Variants in MARK1 observed in about 807,000 individuals in gnomAD.
The protein encoded by MARK1 is microtubule affinity regulating kinase 1.
MARK1 carries 40 observed loss-of-function variants against 96.3 expected under a neutral mutation model. The ratio of observed to expected loss-of-function variants is 0.42; its 90% confidence interval spans 0.32 to 0.54. The LOEUF (loss-of-function observed/expected upper bound fraction) is 0.54. MARK1 is among the 20% of genes least tolerant of loss of function. The pLI, the probability that MARK1 is intolerant of heterozygous loss-of-function variation, is 0.16. For synonymous variants in MARK1, 317 were observed against 341.2 expected (o/e 0.93, Z 0.78); for missense variants, 719 against 984.6 (o/e 0.73, Z 3.61).
At chr1:220,556,485 C>CAGAAAAAA (rs1326514729) in intron 1 of MARK1, among the ~76,000 whole-genome samples, 2 of 85,820 alleles carry the variant, frequency 2.3e-5, no homozygotes, top group African/African-American at 9.2e-5. Context: ...GGGACTGTCA[C>CAGAAAAAA]AAAAAAAAAA....
At chr1:220,574,528 A>G (rs1034205911) in intron 1 of MARK1, among the ~76,000 whole-genome samples, 1 of 152,118 alleles carries the variant, frequency 6.6e-6, no homozygotes, top group African/African-American at 2.4e-5. Context: ...TTTAAGTCAC[A>G]TGGAGTGAGG....
At chr1:220,538,548 A>C (rs1000441376) in intron 1 of MARK1, among the ~76,000 whole-genome samples, 2 of 152,120 alleles carry the variant, frequency 1.3e-5, no homozygotes, top group African/African-American at 4.8e-5. Flanking sequence ...TGACTTGGCG[A>C]TGTGGGCTCT....
At chr1:220,626,741 G>A (rs1667363907) in intron 9 of MARK1, 1 of 335,110 alleles carries the variant, frequency 3.0e-6, no homozygotes, top group Non-Finnish European at 5.8e-6. Context: ...AGAATCGCTT[G>A]CACCCTAGAG....
rs1669491574 is a variant in MARK1 at position 220,661,702 on chromosome 1, G to T, written c.2034-110G>T. Reference sequence around the variant, plus strand: ...CATCTGAGGGTGGTCTGCAAATTAGGTAGTGTTATTAGGCACTGAACTATG... The same window carrying T: ...CATCTGAGGGTGGTCTGCAAATTAGTTAGTGTTATTAGGCACTGAACTATG... On this transcript the variant is annotated intron_variant, in intron 17 of 17. Transcript: ENST00000366917. 4.0e-6 allele frequency: 3 copies of T among 741,650 alleles called. No homozygotes were observed. The Admixed American group carries it at 8.8e-5, about 22-fold the overall frequency. 45.9% of individuals were successfully genotyped at this position (741,650 alleles called of 1,614,324 possible).
chr1:220,618,292 C>T lies in MARK1; in HGVS notation c.553-18C>T. The T allele has an allele frequency of 6.9e-7, 1 of 1,442,492 alleles. No individual in the cohort carries two copies. 89.4% of individuals were successfully genotyped at this position (1,442,492 alleles called of 1,614,324 possible). A position where few individuals can be genotyped will look rare whatever the true frequency, so the allele number is the denominator to read the frequency against. ...ATGTAGGCTTTTTACATTGTTCTTT[C>T]TATTATTTTCCTCTTAGGCTGAAAA... On this transcript the variant is annotated intron_variant, in intron 7 of 17. Transcript: ENST00000366917. The surrounding 1 kb of genome is among the most constrained non-coding windows in gnomAD (Gnocchi z 4.6).
At chr1:220,628,294 A>G (rs1156613335) in intron 9 of MARK1, among the ~76,000 whole-genome samples, 3 of 152,092 alleles carry the variant, frequency 2.0e-5, no homozygotes, top group South Asian at 2.1e-4. Flanking sequence ...CAACCTGGCA[A>G]TCCCCTTTCA....
chr1:220,609,519 CTG>C (rs1337569779), intron 6 of MARK1, among the ~76,000 whole-genome samples: 20 of 152,318 alleles, frequency 1.3e-4, no homozygotes, highest in Non-Finnish European at 2.9e-4. Flanking sequence ...ATTTGCCACT[CTG>C]TGTCTTTTAA....
In MARK1 at chr1:220,534,378, C is replaced by T. The variant is rs73101869; in HGVS notation, c.51+5505C>T. 3.4e-3 allele frequency among the ~76,000 whole-genome samples: 515 copies of T among 152,146 alleles called. 4 individuals are homozygous for T. Among genetic ancestry groups the T allele is most frequent in the African/African-American group, 0.011 (470 of 41,538 alleles). On this transcript the variant is annotated intron_variant, in intron 1 of 17. Coordinates refer to ENST00000366917, the MANE Select transcript of MARK1 (RefSeq NM_018650.5). ...AGTCACCTCAGTGATCTATTGAACA[C>T]GAGGTCTTTTTCCTTCTAAGTGTAT...
At chr1:220,594,601 G>A (rs1665206606) in intron 3 of MARK1, among the ~76,000 whole-genome samples, 1 of 152,144 alleles carries the variant, frequency 6.6e-6, no homozygotes, top group Admixed American at 6.6e-5. Context: ...AGTCATAATG[G>A]TCATAACTTG....
intron 1 of MARK1, among the ~76,000 whole-genome samples, chr1:220,561,956 C>A (rs1373097339): frequency 6.6e-6 from 1 of 152,060 alleles, no homozygotes; most frequent in Non-Finnish European, 1.5e-5. Flanking sequence ...GAGAAGAAGG[C>A]CATGATTTCA....
chr1:220,630,316 G>C (rs956211723), intron 9 of MARK1, among the ~76,000 whole-genome samples: 6 of 152,104 alleles, frequency 3.9e-5, no homozygotes, highest in Non-Finnish European at 8.8e-5. Context: ...ATGTTATTGA[G>C]TTGCAGGCAT....
At chr1:220,547,357 A>G (rs1055516890) in intron 1 of MARK1, among the ~76,000 whole-genome samples, 1 of 152,220 alleles carries the variant, frequency 6.6e-6, no homozygotes, top group African/African-American at 2.4e-5. Flanking sequence ...TACGGAAGAA[A>G]GTCTTGAATA....
chr1:220,563,423 G>A (rs1004565692), intron 1 of MARK1, among the ~76,000 whole-genome samples: 8 of 152,132 alleles, frequency 5.3e-5, no homozygotes, highest in African/African-American at 1.9e-4. Flanking sequence ...TCCTACTTGT[G>A]AGTACTGGGG....
At chr1:220,580,060 T>C (rs1157298953) in intron 2 of MARK1, among the ~76,000 whole-genome samples, 1 of 152,220 alleles carries the variant, frequency 6.6e-6, no homozygotes, top group Non-Finnish European at 1.5e-5. Context: ...AGTAAGAATT[T>C]ATATATTTGC....
At chr1:220,571,377 A>C (rs1663440874) in intron 1 of MARK1, among the ~76,000 whole-genome samples, 1 of 152,240 alleles carries the variant, frequency 6.6e-6, no homozygotes, top group Non-Finnish European at 1.5e-5. Context: ...TTTCAAGTGC[A>C]GTAGGAACAT....
intron 1 of MARK1, among the ~76,000 whole-genome samples, chr1:220,533,966 A>T (rs191629138): frequency 6.6e-6 from 1 of 152,012 alleles, no homozygotes; most frequent in East Asian, 1.9e-4. Flanking sequence ...ATATGTTTAG[A>T]TCTTTCTTCA....
At chr1:220,602,620 C>A (rs1372000536) in intron 5 of MARK1, among the ~76,000 whole-genome samples, 3 of 152,028 alleles carry the variant, frequency 2.0e-5, no homozygotes, top group African/African-American at 7.2e-5. Context: ...GATGGGTTAA[C>A]TAGAATTAAC....
At chr1:220,581,250 A>C (rs1336064327) in intron 3 of MARK1, 132 bp downstream of exon 3, 1 of 362,484 alleles carries the variant, frequency 2.8e-6, no homozygotes, top group African/African-American at 2.1e-5. Context: ...GAAAAGACAT[A>C]ATATAAAATG....
rs548451668 is a variant in MARK1 at position 220,641,677 on chromosome 1, G to A, written c.1470+5651G>A. Among the ~76,000 whole-genome samples the A allele has an allele frequency of 1.6e-4, 24 of 151,656 alleles. No individual in the cohort carries two copies. The East Asian group carries it at 3.5e-3, about 22-fold the overall frequency. On this transcript the variant is annotated intron_variant, in intron 13 of 17. Coordinates refer to ENST00000366917, the MANE Select transcript of MARK1 (RefSeq NM_018650.5). ...GTCTGCATCTCCCACCGAGAGGAACGCAAAAGGCGAGTGATTTCTGCCCTT... is the reference window on the plus strand; with the variant it reads ...GTCTGCATCTCCCACCGAGAGGAACACAAAAGGCGAGTGATTTCTGCCCTT...
Sources: gnomAD v4.1 joint callset for allele counts (sites outside exome capture counted in the v4.1 genomes callset) on GRCh38, gnomAD v4.1.1 for gene constraint, Gnocchi (gnomAD v3.1) non-coding constraint, MANE v1.5 for transcripts, NCBI Gene and HGNC (gene_info 2026-07-23, HGNC 2026-07-21) for gene names.